AP3M2: variants seen among roughly 807,000 people sequenced by gnomAD.
The protein encoded by AP3M2 is AP-3 complex subunit mu-2.
A neutral mutation model predicts 41.6 loss-of-function variants in AP3M2; 28 were observed. The ratio of observed to expected loss-of-function variants is 0.67; its 90% CI spans 0.50 to 0.92. The LOEUF is 0.92. Ranked by LOEUF, AP3M2 falls within the 40% of genes least tolerant of loss-of-function variation. The probability of loss-of-function intolerance (pLI) is 0.00; values close to 1 mark genes in which losing one functional copy is unlikely to be tolerated. For missense variants in AP3M2, 427 were observed against 521.4 expected (o/e 0.82, Z 1.76); for synonymous variants, 193 against 186.4 (o/e 1.04, Z -0.29).
At chr8:42,166,857 A>G (rs1399412393) in intron 6 of AP3M2, 2 of 321,856 alleles carry the variant, frequency 6.2e-6, no homozygotes, top group East Asian at 1.4e-4. Context: ...GTTACAAGTT[A>G]AAAACATGGA....
In AP3M2 at chr8:42,169,175, C is replaced by G. The variant is rs1194007275; in HGVS notation, c.*114C>G. The G allele has an allele frequency of 1.3e-6, 1 of 775,838 alleles. No individual in the cohort carries two copies. The highest frequency in any genetic ancestry group is 2.0e-6 in the Non-Finnish European group (1 of 506,878). 48.1% of individuals were successfully genotyped at this position (775,838 alleles called of 1,614,324 possible). On this transcript the variant is annotated 3_prime_UTR_variant, in exon 9 of 9. Coordinates refer to ENST00000396926, the MANE Select transcript of AP3M2 (RefSeq NM_006803.4). ...GTCAGTCCCCTCCTGGACCCACCCG[C>G]TCCCTTTTTTCCTTAGCCTTCAGTG...
intron 6 of AP3M2, among the ~76,000 whole-genome samples, chr8:42,166,572 T>A (rs1587917988): frequency 8.5e-6 from 1 of 117,580 alleles, no homozygotes; most frequent in Admixed American, 9.8e-5. Context: ...ATGGGCAACA[T>A]GGCCAAACCT....
intron 4 of AP3M2, among the ~76,000 whole-genome samples, chr8:42,162,993 G>C (rs1587916076): frequency 7.5e-6 from 1 of 132,520 alleles, no homozygotes; most frequent in Non-Finnish European, 1.6e-5. Flanking sequence ...ATTTCTTATT[G>C]ATTAAATTAC....
At chr8:42,163,879 A>G (rs573739442) in intron 4 of AP3M2, among the ~76,000 whole-genome samples, 9 of 152,346 alleles carry the variant, frequency 5.9e-5, no homozygotes, top group Admixed American at 5.9e-4. Flanking sequence ...TACCTCAACG[A>G]AAAAGTAAAA....
At position 42,169,358 on chromosome 8, in the gene AP3M2, A is replaced by T; in HGVS notation, c.*297A>T. The T allele has an allele frequency of 4.3e-6, 1 of 230,936 alleles. No homozygotes were observed. Among genetic ancestry groups the T allele is most frequent in the East Asian group, 8.8e-5 (1 of 11,408 alleles). 14.3% of individuals were successfully genotyped at this position (230,936 alleles called of 1,614,324 possible). On this transcript the variant is annotated 3_prime_UTR_variant, in exon 9 of 9. Transcript: ENST00000396926. The stretch of plus-strand genomic sequence containing the variant: ...CGTGGTTTCTATAGGAAAGACCAAC[A>T]TTTGTTTAGCTTGCTTGGCTTTAAT...
chr8:42,159,838 G>A (rs554169684), intron 3 of AP3M2, among the ~76,000 whole-genome samples: 2 of 152,266 alleles, frequency 1.3e-5, no homozygotes, highest in African/African-American at 4.8e-5. Context: ...AATATTGCAA[G>A]AATAGCCAGG....
intron 4 of AP3M2, among the ~76,000 whole-genome samples, chr8:42,164,652 A>G (rs985866984): frequency 3.3e-5 from 5 of 152,162 alleles, no homozygotes; most frequent in Non-Finnish European, 7.4e-5. Flanking sequence ...ATAGAATAAG[A>G]GACTGGGAGT....
intron 3 of AP3M2, 99 bp downstream of exon 3, chr8:42,158,211 C>A: frequency 4.0e-6 from 5 of 1,237,180 alleles, no homozygotes; most frequent in Non-Finnish European, 4.5e-6. Flanking sequence ...CTTTGGGGAT[C>A]TCAGGTGTCC....
chr8:42,167,879 C>T (rs1210713148), intron 8 of AP3M2, 69 bp downstream of exon 8: 5 of 1,533,758 alleles, frequency 3.3e-6, no homozygotes, highest in Non-Finnish European at 4.4e-6. Flanking sequence ...GGCGCAGGCA[C>T]CAGGAAGCCT....
intron 8 of AP3M2, among the ~76,000 whole-genome samples, chr8:42,168,731 C>A (rs909332904): frequency 3.9e-5 from 6 of 152,126 alleles, no homozygotes; most frequent in African/African-American, 1.4e-4. Context: ...TTACTTTGTA[C>A]CCTTTCCACT....
chr8:42,157,830 C>T, intron 2 of AP3M2, 111 bp from the exon 3 acceptor site: 1 of 1,049,896 alleles, frequency 9.5e-7, no homozygotes. Flanking sequence ...GAAGAGTAGC[C>T]CAGAAACACA....
rs776687190 is a variant in AP3M2 at position 42,165,113 on chromosome 8, G to A, written c.626G>A (p.Cys209Tyr). ...TAEIQGVIDA[C>Y]VKLTGMPDLT... The stretch of plus-strand genomic sequence containing the variant: ...GAGATCCAGGGGGTGATTGATGCCT[G>A]TGTCAAGCTGACTGGCATGCCAGAC... Residue 209 changes from cysteine (C) to tyrosine (Y), a missense_variant, in exon 5 of 9, where the codon TGT becomes TAT. Physicochemically the swap from Cys to Tyr is radical, Grantham distance 194. Coordinates refer to ENST00000396926, the MANE Select transcript of AP3M2 (RefSeq NM_006803.4). The A allele has an allele frequency of 2.5e-6, 4 of 1,613,984 alleles. No homozygotes were observed. Among genetic ancestry groups the A allele is most frequent in the Admixed American group, 1.7e-5 (1 of 59,996 alleles).
rs558276764 is a variant in AP3M2 at position 42,155,047 on chromosome 8, A to T, written c.273+87A>T. On this transcript the variant is annotated intron_variant, in intron 2 of 8. Coordinates refer to ENST00000396926, the MANE Select transcript of AP3M2 (RefSeq NM_006803.4). ...CATTGTGTAAAGCCTCCATTAAGAA[A>T]CTTAAAAAAAAAAATCAAAACTCTG... The T allele has an allele frequency of 2.3e-5, 27 of 1,150,152 alleles. No individual in the cohort carries two copies. In the African/African-American group the frequency reaches 3.9e-4, roughly 17 times the overall value. The allele number at this position is 1,150,152 out of a possible 1,614,324, so 71.2% of individuals were successfully genotyped here.
At chr8:42,166,269 C>G (rs1007883411) in intron 6 of AP3M2, among the ~76,000 whole-genome samples, 1 of 152,156 alleles carries the variant, frequency 6.6e-6, no homozygotes, top group African/African-American at 2.4e-5. Flanking sequence ...TACATAGTTA[C>G]AGTAGCAGTA....
In AP3M2 at chr8:42,164,934, A is replaced by AAGGGAGAGAGAGGAAGGGG. The variant is rs1165156877; in HGVS notation, c.584-119_584-101dup. On this transcript the variant is annotated intron_variant, in intron 4 of 8. Transcript: ENST00000396926. ...TTGGATGGCTAGGCAGAAGGAAAGA[A>AAGGGAGAGAGAGGAAGGGG]AGGGAGAGAGAGGAAGGGGAGGGAG... 2.1e-5 allele frequency: 14 copies of AAGGGAGAGAGAGGAAGGGG among 671,376 alleles called. No individual in the cohort carries two copies. In the Admixed American group the frequency reaches 2.2e-4, roughly 11 times the overall value. The allele number at this position is 671,376 out of a possible 1,614,324, so 41.6% of individuals were successfully genotyped here.
intron 5 of AP3M2, 40 bp from the exon 6 acceptor site, chr8:42,165,387 T>G (rs755177037): frequency 6.2e-7 from 1 of 1,608,440 alleles, no homozygotes; most frequent in South Asian, 1.1e-5. Context: ...TGCGGGTGTT[T>G]AATGCCCACT....
chr8:42,153,611 A>G (rs1804269314), intron 1 of AP3M2: 1 of 151,732 alleles, frequency 6.6e-6, no homozygotes, highest in South Asian at 2.1e-4. Context: ...CTGGCACCAG[A>G]GAGATGCAAC....
In AP3M2 at chr8:42,154,759, C is replaced by T; in HGVS notation, c.72C>T (p.Val24=). ...TGGAGAAACATTGGAAAAGTGTGGTCAGCCGTTCTGTTTGTGATTACTTTT... is the reference window on the plus strand; with the variant it reads ...TGGAGAAACATTGGAAAAGTGTGGTTAGCCGTTCTGTTTGTGATTACTTTT... ...IFLEKHWKSV[V]SRSVCDYFFE... is the part of the protein sequence containing the mutation. The change falls in exon 2 of 9, where the codon GTC becomes GTT. Residue 24 remains valine (V), a synonymous_variant. Transcript: ENST00000396926. 6.2e-7 allele frequency: 1 copy of T among 1,614,134 alleles called. No homozygotes were observed. The highest frequency in any genetic ancestry group is 8.5e-7 in the Non-Finnish European group (1 of 1,180,030).
intron 6 of AP3M2, 163 bp downstream of exon 6, chr8:42,165,723 G>A (rs957136635): frequency 2.2e-5 from 15 of 680,410 alleles, no homozygotes; most frequent in Non-Finnish European, 3.6e-5. Flanking sequence ...TAACCCCTAT[G>A]TATCTCTTTT....
Sources: gnomAD v4.1 joint callset for allele counts (sites outside exome capture counted in the v4.1 genomes callset) on GRCh38, gnomAD v4.1.1 for gene constraint, MANE v1.5 for transcripts, NCBI Gene and HGNC (gene_info 2026-07-23, HGNC 2026-07-21) for gene names.